The following ZCCHC12 variants were observed in gnomAD, a reference collection of about 807,000 sequenced individuals.
ZCCHC12 encodes zinc finger CCHC-type containing 12, also known as zinc finger CCHC domain-containing protein 12.
For synonymous variants in ZCCHC12, 128 were observed against 123.2 expected (o/e 1.04, Z -0.26); for missense variants, 317 against 323.4 (o/e 0.98, Z 0.15).
intron 3 of ZCCHC12, 115 bp from the exon 4 acceptor site, chrX:118,825,016 G>A (rs1343075734): frequency 9.2e-6 from 4 of 436,650 alleles, no homozygotes; most frequent in Non-Finnish European, 1.6e-5. Flanking sequence ...ATCTCCTACA[G>A]GATTATTTTT....
chrX:118,825,541 T>C lies in ZCCHC12; in HGVS notation c.297T>C (p.Arg99=), dbSNP rs749742745. Residue 99 remains arginine (R), a synonymous_variant, in exon 4 of 4, where the codon CGT becomes CGC. Transcript: ENST00000310164. The part of the protein sequence containing the change: ...TLRGPAREVM[R]VLQATNPNLS... ...GGGGCCCTGCCCGCGAGGTCATGCG[T>C]GTGCTTCAGGCGACCAACCCTAACC... The C allele has an allele frequency of 1.7e-6, 2 of 1,211,764 alleles. No individual in the cohort carries two copies. The highest frequency in any genetic ancestry group is 2.2e-5 in the Admixed American group (1 of 46,052).
chrX:118,824,433 G>C (rs938697407), intron 2 of ZCCHC12, 43 bp downstream of exon 2: 1 of 109,028 alleles, frequency 9.2e-6, no homozygotes, highest in East Asian at 2.9e-4. Context: ...GCTGGAGGGT[G>C]GGGGGCTGGT....
At position 118,826,480 on chromosome X, in the gene ZCCHC12, C is replaced by T. The variant is rs769142606; in HGVS notation, c.*27C>T. 56 of 1,205,808 alleles carry T rather than the reference C, an allele frequency of 4.6e-5. No individual in the cohort carries two copies. The highest frequency in any genetic ancestry group is 6.0e-5 in the Non-Finnish European group (54 of 893,904). On this transcript the variant is annotated 3_prime_UTR_variant, in exon 4 of 4. Transcript: ENST00000310164. ...GGACCACCCCCAGGTTTCAGTGAAC[C>T]CTTACCTATATTCAGCATCCAGTAG...
chrX:118,826,234 C>T lies in ZCCHC12; in HGVS notation c.990C>T (p.Asn330=), dbSNP rs781376989. The change falls in exon 4 of 4, where the codon AAC becomes AAT. Residue 330 remains asparagine, a synonymous_variant. Coordinates refer to ENST00000310164, the MANE Select transcript of ZCCHC12 (RefSeq NM_173798.4). ...STSGGSGYKN[N]GPGEMRRARK... The stretch of plus-strand genomic sequence containing the variant: ...GTGGTGGTTCTGGCTATAAGAATAA[C>T]GGTCCTGGGGAGATGCGTAGAGCCA... The T allele has an allele frequency of 9.9e-6, 12 of 1,211,614 alleles. No individual in the cohort carries two copies. Among genetic ancestry groups the T allele is most frequent in the Admixed American group, 8.7e-5 (4 of 46,027 alleles).
At position 118,826,122 on chromosome X, in the gene ZCCHC12, C is replaced by T. The variant is rs753091094; in HGVS notation, c.878C>T (p.Pro293Leu). Residue 293 changes from proline to leucine, a missense_variant, in exon 4 of 4, where the codon CCT (proline) becomes CTT (leucine). Transcript: ENST00000310164. Reference protein sequence around the residue: ...QDPPLPSWGAPPLRDRARPQD... With the variant: ...QDPPLPSWGALPLRDRARPQD... ...CCTCCACTTCCATCCTGGGGTGCCC[C>T]TCCCCTCAGAGACAGGGCCAGACCT... The T allele has an allele frequency of 6.6e-6, 8 of 1,209,417 alleles. No individual in the cohort carries two copies. Among genetic ancestry groups the T allele is most frequent in the African/African-American group, 3.5e-5 (2 of 56,899 alleles).
In ZCCHC12 at chrX:118,826,458, C is replaced by T. The variant is rs1348042909; in HGVS notation, c.*5C>T. On this transcript the variant is annotated 3_prime_UTR_variant, in exon 4 of 4. Coordinates refer to ENST00000310164, the MANE Select transcript of ZCCHC12 (RefSeq NM_173798.4). ...GACTTCTCTGAGCCACTGTAAGGGA[C>T]CACCCCCAGGTTTCAGTGAACCCTT... 8 of 1,210,255 alleles carry T rather than the reference C, an allele frequency of 6.6e-6. No homozygotes were observed. Among genetic ancestry groups the T allele is most frequent in the Middle Eastern group, 2.5e-4 (1 of 4,027 alleles).
chrX:118,826,422 G>T lies in ZCCHC12; in HGVS notation c.1178G>T (p.Gly393Val). 8.3e-7 allele frequency: 1 copy of T among 1,210,961 alleles called. No homozygotes were observed. Among genetic ancestry groups the T allele is most frequent in the Non-Finnish European group, 1.1e-6 (1 of 895,357 alleles). Residue 393 changes from glycine (G) to valine (V), a missense_variant, in exon 4 of 4, where the codon GGC becomes GTC. Physicochemically the swap from Gly to Val is moderately radical, Grantham distance 109. Coordinates refer to ENST00000310164, the MANE Select transcript of ZCCHC12 (RefSeq NM_173798.4). ...TEMERSRVAP[G>V]EYNDFSEPL ...ATGGAGAGGTCAAGAGTGGCCCCTG[G>T]CGAATACAATGACTTCTCTGAGCCA...
Position 118,825,905 on chromosome X carries a change from G to C in ZCCHC12, c.661G>C (p.Asp221His), listed in dbSNP as rs1232628681. ...ELIRMVREEE[D>H]WDDAFIKRKR... ...AATCAGAATGGTAAGGGAGGAAGAG[G>C]ATTGGGATGATGCTTTTATTAAACG... Residue 221 changes from aspartate to histidine, a missense_variant, in exon 4 of 4, where the codon GAT (aspartate) becomes CAT (histidine). Asp to His is a moderately conservative substitution (Grantham distance 81, BLOSUM62 -1). Coordinates refer to ENST00000310164, the MANE Select transcript of ZCCHC12 (RefSeq NM_173798.4). 1.7e-6 allele frequency: 2 copies of C among 1,211,717 alleles called. No individual in the cohort carries two copies. The highest frequency in any genetic ancestry group is 3.5e-5 in the South Asian group (2 of 56,954).
rs2018228813 is a variant in ZCCHC12 at position 118,824,606 on chromosome X, C to T, written c.-222C>T. ...ACCTCAAGGACCCGGATCTGCGACC[C>T]CCTGTGGACAGAGGTTGACCGTACC... On this transcript the variant is annotated 5_prime_UTR_variant, in exon 3 of 4. Coordinates refer to ENST00000310164, the MANE Select transcript of ZCCHC12 (RefSeq NM_173798.4). 9.0e-6 allele frequency: 1 copy of T among 111,284 alleles called. No individual in the cohort carries two copies. The highest frequency in any genetic ancestry group is 3.3e-5 in the African/African-American group (1 of 30,454). The allele number at this position is 111,284 out of a possible 1,213,427, so 9.2% of individuals were successfully genotyped here. A position where few individuals can be genotyped will look rare whatever the true frequency, so the allele number is the denominator to read the frequency against.
At position 118,826,561 on chromosome X, in the gene ZCCHC12, C is replaced by A; in HGVS notation, c.*108C>A. 1 of 1,056,539 alleles carries A rather than the reference C, an allele frequency of 9.5e-7. No individual in the cohort carries two copies. The highest frequency in any genetic ancestry group is 1.3e-6 in the Non-Finnish European group (1 of 766,888). The allele number at this position is 1,056,539 out of a possible 1,213,427, so 87.1% of individuals were successfully genotyped here. On this transcript the variant is annotated 3_prime_UTR_variant, in exon 4 of 4. Transcript: ENST00000310164. The stretch of plus-strand genomic sequence containing the variant: ...ACTTCTAACTGCATGAATTAATCCA[C>A]AAAGCGGCTATCTTTTGGGGTGGAG...
At position 118,826,170 on chromosome X, in the gene ZCCHC12, A is replaced by AT; in HGVS notation, c.928dup (p.Ser310PhefsTer19). The AT allele has an allele frequency of 1.7e-6, 2 of 1,211,512 alleles. No homozygotes were observed. Among genetic ancestry groups the AT allele is most frequent in the Non-Finnish European group, 2.2e-6 (2 of 895,474 alleles). On this transcript the variant is annotated frameshift_variant, in exon 4 of 4. Coordinates refer to ENST00000310164, the MANE Select transcript of ZCCHC12 (RefSeq NM_173798.4). LOFTEE classifies it low-confidence loss of function (END_TRUNC). The stretch of plus-strand genomic sequence containing the variant: ...CCTCAGGATGAAGTGCTGGTCATTG[A>AT]TTCCCCCCACAATTCCAGGGCTCAG...
Position 118,823,843 on chromosome X carries a change from T to C in ZCCHC12, c.-454T>C, listed in dbSNP as rs2018219233. The C allele has an allele frequency of 8.8e-6, 1 of 113,283 alleles. No individual in the cohort carries two copies. The highest frequency in any genetic ancestry group is 3.2e-5 in the African/African-American group (1 of 31,286). The allele number at this position is 113,283 out of a possible 1,213,427, so 9.3% of individuals were successfully genotyped here. A position where few individuals can be genotyped will look rare whatever the true frequency, so the allele number is the denominator to read the frequency against. On this transcript the variant is annotated 5_prime_UTR_variant, in exon 1 of 4. Coordinates refer to ENST00000310164, the MANE Select transcript of ZCCHC12 (RefSeq NM_173798.4). ...AGGAACGGCGCTGCCTCGTCTCTGC[T>C]ACCCCTGGTTGGGCGGCCCTGCGAA... is the stretch of plus-strand genomic sequence containing the variant.
At chrX:118,825,099 C>G (rs1268360310) in intron 3 of ZCCHC12, 32 bp from the exon 4 acceptor site, 3 of 751,604 alleles carry the variant, frequency 4.0e-6, no homozygotes, top group Admixed American at 5.2e-5. Context: ...AGCCCGCTCC[C>G]TTATTAACCA....
Position 118,826,285 on chromosome X carries a change from T to A in ZCCHC12, c.1041T>A (p.Cys347Ter). The change falls in exon 4 of 4, where the codon TGT becomes TGA. Residue 347 changes from cysteine (C) to a stop codon, truncating the protein, a stop_gained. Coordinates refer to ENST00000310164, the MANE Select transcript of ZCCHC12 (RefSeq NM_173798.4). LOFTEE classifies it high-confidence loss of function. ...RARKRKHTIR[C>*]SYCGEEGHSK... ...GGAAGCGAAAACACACAATCCGCTGTTCGTATTGTGGTGAGGAAGGCCACT... is the reference window on the plus strand; with the variant it reads ...GGAAGCGAAAACACACAATCCGCTGATCGTATTGTGGTGAGGAAGGCCACT... 2 of 1,211,561 alleles carry A rather than the reference T, an allele frequency of 1.7e-6. No homozygotes were observed.
chrX:118,825,841 T>C lies in ZCCHC12; in HGVS notation c.597T>C (p.Tyr199=). The C allele has an allele frequency of 8.3e-7, 1 of 1,211,527 alleles. No individual in the cohort carries two copies. Among genetic ancestry groups the C allele is most frequent in the Non-Finnish European group, 1.1e-6 (1 of 895,474 alleles). Reference sequence around the variant, plus strand: ...GACTTAAGGATTTTCTCAGGATGTATGCAAATGAGCAGGAGCGGCTTCCCA... The same window carrying C: ...GACTTAAGGATTTTCTCAGGATGTACGCAAATGAGCAGGAGCGGCTTCCCA... ...RLRLKDFLRM[Y]ANEQERLPNF... The change falls in exon 4 of 4, where the codon TAT becomes TAC. Residue 199 remains tyrosine, a synonymous_variant. Coordinates refer to ENST00000310164, the MANE Select transcript of ZCCHC12 (RefSeq NM_173798.4).
In ZCCHC12 at chrX:118,826,320, C is replaced by T. The variant is rs1392416392; in HGVS notation, c.1076C>T (p.Thr359Ile). ...YCGEEGHSKE[T>I]CDNESDKAQV... The stretch of plus-strand genomic sequence containing the variant: ...GGTGAGGAAGGCCACTCAAAAGAAA[C>T]CTGTGACAACGAGAGTGACAAGGCC... The change falls in exon 4 of 4, where the codon ACC (threonine) becomes ATC (isoleucine). Residue 359 changes from threonine to isoleucine, a missense_variant. Coordinates refer to ENST00000310164, the MANE Select transcript of ZCCHC12 (RefSeq NM_173798.4). 1.7e-6 allele frequency: 2 copies of T among 1,211,582 alleles called. No homozygotes were observed. Among genetic ancestry groups the T allele is most frequent in the Middle Eastern group, 2.3e-4 (1 of 4,355 alleles).
chrX:118,825,948 C>T lies in ZCCHC12; in HGVS notation c.704C>T (p.Ser235Phe). 8.3e-7 allele frequency: 1 copy of T among 1,211,770 alleles called. No homozygotes were observed. Residue 235 changes from serine to phenylalanine, a missense_variant, in exon 4 of 4, where the codon TCT (serine) becomes TTT (phenylalanine). Ser to Phe is a radical substitution (Grantham distance 155). Transcript: ENST00000310164. ...ATTAAACGGAAGCGTCCAAAAAGGT[C>T]TGAGTCAATGGTGGAGAGGGCAGTC... Reference protein sequence around the residue: ...AFIKRKRPKRSESMVERAVSP... With the variant: ...AFIKRKRPKRFESMVERAVSP...
Position 118,825,294 on chromosome X carries a change from C to A in ZCCHC12, c.50C>A (p.Pro17His), listed in dbSNP as rs1274558588. The change falls in exon 4 of 4, where the codon CCC (proline) becomes CAC (histidine). Residue 17 changes from proline (P) to histidine (H), a missense_variant. Coordinates refer to ENST00000310164, the MANE Select transcript of ZCCHC12 (RefSeq NM_173798.4). Reference protein sequence around the residue: ...RVGNSRRLNAPLPPWAHSMLR... With the variant: ...RVGNSRRLNAHLPPWAHSMLR... ...GGTAACAGCCGGCGGCTGAATGCAC[C>A]CTTGCCGCCTTGGGCCCATTCCATG... The A allele has an allele frequency of 1.7e-6, 2 of 1,211,677 alleles. No homozygotes were observed. The highest frequency in any genetic ancestry group is 2.2e-5 in the Admixed American group (1 of 46,026).
Position 118,826,923 on chromosome X carries a change from CAA to C in ZCCHC12, c.*471_*472del, listed in dbSNP as rs985632307. 9 of 147,043 alleles carry C rather than the reference CAA, an allele frequency of 6.1e-5. No homozygotes were observed. The highest frequency in any genetic ancestry group is 3.3e-3 in the Middle Eastern group (1 of 301). 12.1% of individuals were successfully genotyped at this position (147,043 alleles called of 1,213,427 possible). A position where few individuals can be genotyped will look rare whatever the true frequency, so the allele number is the denominator to read the frequency against. On this transcript the variant is annotated 3_prime_UTR_variant, in exon 4 of 4. Coordinates refer to ENST00000310164, the MANE Select transcript of ZCCHC12 (RefSeq NM_173798.4). ...GTTCTATCTGTATTTTTTCACCAAA[CAA>C]TATATGTTGTGAGCTTCTATGTCAA...
Sources: allele counts gnomAD v4.1 joint callset, GRCh38; gene constraint gnomAD v4.1.1; transcripts MANE v1.5; gene names NCBI Gene and HGNC (gene_info 2026-07-23, HGNC 2026-07-21).